Variants in MAPK8IP3 observed in about 807,000 individuals in gnomAD.
The protein encoded by MAPK8IP3 is mitogen-activated protein kinase 8 interacting protein 3.
A neutral mutation model predicts 157.8 loss-of-function variants in MAPK8IP3; 49 were observed. That is an observed-to-expected ratio of 0.31 (90% CI 0.25 to 0.39). The LOEUF (loss-of-function observed/expected upper bound fraction) is 0.39, where lower values mean the gene tolerates loss of function less well. MAPK8IP3 is among the 10% of genes least tolerant of loss of function. The pLI is 1.00. For missense variants in MAPK8IP3, 1,478 were observed against 1,889.4 expected (o/e 0.78, Z 4.04); for synonymous variants, 897 against 777.7 (o/e 1.15, Z -2.55).
chr16:1,768,632 C>CG lies in MAPK8IP3; in HGVS notation c.3892+10dup, dbSNP rs1567216741. 8 of 1,606,024 alleles carry CG rather than the reference C, an allele frequency of 5.0e-6. No homozygotes were observed. In the Admixed American group the frequency reaches 5.1e-5, roughly 10 times the overall value. On this transcript the variant is annotated splice_region_variant and intron_variant, in intron 31 of 31. Coordinates refer to ENST00000610761, the MANE Select transcript of MAPK8IP3 (RefSeq NM_001318852.2). ...CTACATCGACTTCCGCATTGGTGAG[C>CG]GGGGCCCAGGGACAGGGCTGAGGTT...
rs758698844 is a variant in MAPK8IP3 at position 1,724,534 on chromosome 16, C to T, written c.319-23C>T. ...TCCACACTCACTCCTGATGACTGCT[C>T]TTTCCCTCCCTTCCATGCACAGAAA... On this transcript the variant is annotated intron_variant, in intron 1 of 31. Coordinates refer to ENST00000610761, the MANE Select transcript of MAPK8IP3 (RefSeq NM_001318852.2). The surrounding 1 kb of genome is among the most constrained non-coding windows in gnomAD (Gnocchi z 4.1). The T allele has an allele frequency of 1.2e-5, 20 of 1,611,474 alleles. No homozygotes were observed. In the African/African-American group the frequency reaches 1.3e-4, roughly 11 times the overall value.
At chr16:1,750,524 T>C (rs2141875725) in intron 8 of MAPK8IP3, among the ~76,000 whole-genome samples, 1 of 152,208 alleles carries the variant, frequency 6.6e-6, no homozygotes, top group South Asian at 2.1e-4. Flanking sequence ...ATAATGTATA[T>C]TTTTTAGCTA....
At chr16:1,732,309 C>T (rs1270442092) in intron 4 of MAPK8IP3, among the ~76,000 whole-genome samples, 12 of 152,240 alleles carry the variant, frequency 7.9e-5, no homozygotes. Flanking sequence ...TCCCTCACAC[C>T]CCATCAAGGC....
At position 1,706,433 on chromosome 16, in the gene MAPK8IP3, C is replaced by T. The variant is rs771985470; in HGVS notation, c.94C>T (p.Leu32=). ...GSVMSERVSG[L]AGSIYREFER... ...GGTGATGTCGGAGCGGGTGTCGGGC[C>T]TGGCGGGCTCCATCTACCGCGAGTT... Residue 32 remains leucine (L), a synonymous_variant, in exon 1 of 32, where the codon CTG becomes TTG. Transcript: ENST00000610761. The surrounding 1 kb of genome is among the most constrained non-coding windows in gnomAD (Gnocchi z 5.1). 6.2e-7 allele frequency: 1 copy of T among 1,613,868 alleles called. No individual in the cohort carries two copies. Among genetic ancestry groups the T allele is most frequent in the Non-Finnish European group, 8.5e-7 (1 of 1,179,948 alleles).
At chr16:1,715,280 C>T (rs2038071792) in intron 1 of MAPK8IP3, among the ~76,000 whole-genome samples, 1 of 152,146 alleles carries the variant, frequency 6.6e-6, no homozygotes, top group South Asian at 2.1e-4. Flanking sequence ...GGAGAAATGT[C>T]CTTCCCTCGA....
At chr16:1,731,602 A>G (rs2039321625) in intron 4 of MAPK8IP3, among the ~76,000 whole-genome samples, 1 of 152,242 alleles carries the variant, frequency 6.6e-6, no homozygotes, top group Admixed American at 6.5e-5. Context: ...TAGTCACCCT[A>G]TATTTCCAAC....
In MAPK8IP3 at chr16:1,761,676, A is replaced by ACAGGCGGGGCGGCCACCATTCACCATTCC. The variant is rs1567201268; in HGVS notation, c.1539+388_1539+416dup. Among the ~76,000 whole-genome samples, 6 of 127,998 alleles carry ACAGGCGGGGCGGCCACCATTCACCATTCC rather than the reference A, an allele frequency of 4.7e-5. 2 individuals are homozygous for ACAGGCGGGGCGGCCACCATTCACCATTCC. The highest frequency in any genetic ancestry group is 7.8e-5 in the Admixed American group (1 of 12,898). The allele number at this position is 127,998 out of a possible 152,430, so 84.0% of individuals were successfully genotyped here. A position where few individuals can be genotyped will look rare whatever the true frequency, so the allele number is the denominator to read the frequency against. ...GCGGGGCGGCCACCATTCACCATTC[A>ACAGGCGGGGCGGCCACCATTCACCATTCC]CAGGCGGGGCGGCCACCATTCACCA... is the stretch of plus-strand genomic sequence containing the variant. On this transcript the variant is annotated intron_variant, in intron 13 of 31. Coordinates refer to ENST00000610761, the MANE Select transcript of MAPK8IP3 (RefSeq NM_001318852.2).
chr16:1,746,775 C>G (rs2294612), intron 5 of MAPK8IP3: 3 of 537,416 alleles, frequency 5.6e-6, no homozygotes, highest in Non-Finnish European at 9.9e-6. Flanking sequence ...TGGAAAGCCC[C>G]GTTCCAAGCC....
Position 1,706,577 on chromosome 16 carries a change from C to G in MAPK8IP3, c.238C>G (p.Leu80Val). 1 of 1,611,330 alleles carries G rather than the reference C, an allele frequency of 6.2e-7. No homozygotes were observed. Among genetic ancestry groups the G allele is most frequent in the Non-Finnish European group, 8.5e-7 (1 of 1,178,890 alleles). ...LSENQEHEVELELLREDNEQL... is the reference protein window; with the variant it reads ...LSENQEHEVEVELLREDNEQL... ...CGAGAACCAGGAGCACGAGGTGGAG[C>G]TGGAGCTGCTGCGCGAGGACAACGA... Residue 80 changes from leucine (L) to valine (V), a missense_variant, in exon 1 of 32, where the codon CTG becomes GTG. Leu to Val is a conservative substitution (Grantham distance 32). This residue lies in a region of MAPK8IP3 where 65 missense variants were observed against 161.8 expected (regional missense o/e 0.40). Coordinates refer to ENST00000610761, the MANE Select transcript of MAPK8IP3 (RefSeq NM_001318852.2). The surrounding 1 kb of genome is among the most constrained non-coding windows in gnomAD (Gnocchi z 5.1).
chr16:1,738,976 G>A (rs867317333), intron 4 of MAPK8IP3, among the ~76,000 whole-genome samples: 22 of 144,902 alleles, frequency 1.5e-4, no homozygotes, highest in East Asian at 4.4e-4. Flanking sequence ...GTGACCGTCC[G>A]TGTGAGCATG....
In MAPK8IP3 at chr16:1,743,250, T is replaced by C; in HGVS notation, c.603-82T>C. ...CATGGAGCGGCCCCATCACTCGAGG[T>C]CTGCTTGCCCTGGGAGGGCTTGGGA... On this transcript the variant is annotated intron_variant, in intron 4 of 31. Coordinates refer to ENST00000610761, the MANE Select transcript of MAPK8IP3 (RefSeq NM_001318852.2). The surrounding 1 kb of genome is among the most constrained non-coding windows in gnomAD (Gnocchi z 5.6). The C allele has an allele frequency of 2.1e-6, 3 of 1,452,754 alleles. No homozygotes were observed. The highest frequency in any genetic ancestry group is 2.7e-6 in the Non-Finnish European group (3 of 1,109,832). The allele number at this position is 1,452,754 out of a possible 1,614,324, so 90.0% of individuals were successfully genotyped here. A position where few individuals can be genotyped will look rare whatever the true frequency, so the allele number is the denominator to read the frequency against.
chr16:1,768,689 T>C lies in MAPK8IP3; in HGVS notation c.3893-14T>C, dbSNP rs376170616. 1.3e-4 allele frequency: 209 copies of C among 1,611,544 alleles called. No homozygotes were observed. The highest frequency in any genetic ancestry group is 1.6e-4 in the Non-Finnish European group (186 of 1,179,276). On this transcript the variant is annotated splice_polypyrimidine_tract_variant and intron_variant, in intron 31 of 31. Transcript: ENST00000610761. ...GGGGGGAGCCTGGCCGTCACTCTGC[T>C]GCTTTGCCCGCAGGAGACGGAGAGG...
At chr16:1,738,070 C>T (rs1217500532) in intron 4 of MAPK8IP3, among the ~76,000 whole-genome samples, 23 of 63,152 alleles carry the variant, frequency 3.6e-4, no homozygotes, top group South Asian at 2.1e-3. Context: ...GTGTGACCAT[C>T]CGTGTGAGAG....
rs891264864 is a variant in MAPK8IP3, at chr16:1,744,444, T to A, written c.747+968T>A. On this transcript the variant is annotated intron_variant, in intron 5 of 31. Coordinates refer to ENST00000610761, the MANE Select transcript of MAPK8IP3 (RefSeq NM_001318852.2). Reference sequence around the variant, plus strand: ...GCTCCTGCTCCGTCAGCCCACCTGCTGCTGCGCTGCTCTGGGAGCGAGCTC... The same window carrying A: ...GCTCCTGCTCCGTCAGCCCACCTGCAGCTGCGCTGCTCTGGGAGCGAGCTC... 5.1e-6 allele frequency: 5 copies of A among 985,874 alleles called. No homozygotes were observed. In the African/African-American group the frequency reaches 5.2e-5, roughly 10 times the overall value. The allele number at this position is 985,874 out of a possible 1,614,324, so 61.1% of individuals were successfully genotyped here.
rs2040734046 is a variant in MAPK8IP3 at position 1,742,359 on chromosome 16, G to C, written c.603-973G>C. On this transcript the variant is annotated intron_variant, in intron 4 of 31. Coordinates refer to ENST00000610761, the MANE Select transcript of MAPK8IP3 (RefSeq NM_001318852.2). The surrounding 1 kb of genome is among the most constrained non-coding windows in gnomAD (Gnocchi z 5.0). ...ACTGAGCACTGTCCTGACAGCTCCAGCTCCCAGGCGCTCCCACTGTCTTGC... is the reference window on the plus strand; with the variant it reads ...ACTGAGCACTGTCCTGACAGCTCCACCTCCCAGGCGCTCCCACTGTCTTGC... 6.6e-6 allele frequency among the ~76,000 whole-genome samples: 1 copy of C among 152,186 alleles called. No individual in the cohort carries two copies. Among genetic ancestry groups the C allele is most frequent in the Non-Finnish European group, 1.5e-5 (1 of 68,020 alleles).
Position 1,767,796 on chromosome 16 carries a change from C to A in MAPK8IP3, c.3410-9C>A. On this transcript the variant is annotated splice_polypyrimidine_tract_variant and intron_variant, in intron 27 of 31. Transcript: ENST00000610761. Reference sequence around the variant, plus strand: ...CAAGGCCAGCCACCCTGACCGCTCTCCCCCACAGGCACTGGCAAGCTGGGT... The same window carrying A: ...CAAGGCCAGCCACCCTGACCGCTCTACCCCACAGGCACTGGCAAGCTGGGT... 6.2e-7 allele frequency: 1 copy of A among 1,611,426 alleles called. No homozygotes were observed. Among genetic ancestry groups the A allele is most frequent in the Non-Finnish European group, 8.5e-7 (1 of 1,179,846 alleles).
chr16:1,754,479 C>A (rs1201624989), intron 8 of MAPK8IP3, among the ~76,000 whole-genome samples: 1 of 151,938 alleles, frequency 6.6e-6, no homozygotes, highest in African/African-American at 2.4e-5. Flanking sequence ...GATGTAGAAA[C>A]TGTCCACAAA....
chr16:1,721,097 G>A (rs1213145529), intron 1 of MAPK8IP3, among the ~76,000 whole-genome samples: 2 of 151,974 alleles, frequency 1.3e-5, no homozygotes, highest in East Asian at 1.9e-4. Context: ...CAGCACTTGG[G>A]AAGGCCGAGG....
At chr16:1,738,203 CGT>C (rs1310509454) in intron 4 of MAPK8IP3, among the ~76,000 whole-genome samples, 12 of 71,916 alleles carry the variant, frequency 1.7e-4, no homozygotes, top group African/African-American at 1.2e-4. Context: ...TGTGACCGTC[CGT>C]GTGTGTGACC....
Sources: gnomAD v4.1 joint callset for allele counts (sites outside exome capture counted in the v4.1 genomes callset) on GRCh38, gnomAD v4.1.1 for gene constraint, gnomAD v4.1.1 regional missense constraint, Gnocchi (gnomAD v3.1) non-coding constraint, MANE v1.5 for transcripts, NCBI Gene and HGNC (gene_info 2026-07-23, HGNC 2026-07-21) for gene names.